Variants in CLEC20A observed in about 807,000 individuals in gnomAD.
The protein encoded by CLEC20A is C-type lectin domain containing 20A.
chr1:178,492,218 G>A (rs931325047), intron 3 of CLEC20A, among the ~76,000 whole-genome samples: 1 of 152,116 alleles, frequency 6.6e-6, no homozygotes, highest in African/African-American at 2.4e-5. Flanking sequence ...GGAATGTCGG[G>A]TGAGCTGTGA....
upstream of CLEC20A, among the ~76,000 whole-genome samples, chr1:178,497,629 C>T (rs534601947): frequency 3.3e-5 from 5 of 152,214 alleles, no homozygotes; most frequent in East Asian, 1.9e-4. Context: ...AGCATAAAAA[C>T]GAACAATGTC....
intron 5 of CLEC20A, 131 bp from the exon 6 acceptor site, chr1:178,483,413 C>T (rs1315721134): frequency 2.5e-6 from 1 of 394,936 alleles, no homozygotes; most frequent in Non-Finnish European, 4.5e-6. Context: ...GCTGCAGAAG[C>T]CAGCGATGTG....
chr1:178,485,640 C>T (rs907384548), intron 5 of CLEC20A, among the ~76,000 whole-genome samples: 55 of 152,322 alleles, frequency 3.6e-4, no homozygotes, highest in African/African-American at 1.3e-3. Flanking sequence ...TCCGTTAGTT[C>T]CTATGAGACC....
chr1:178,488,581 C>T (rs765617867), exon 5 of CLEC20A: 7 of 398,712 alleles, frequency 1.8e-5, no homozygotes, highest in African/African-American at 1.2e-4. Flanking sequence ...TGCTGATGCC[C>T]GGTGTCCAGT....
chr1:178,492,471 C>T (rs766930847), intron 3 of CLEC20A, 30 bp downstream of exon 3: 1 of 398,306 alleles, frequency 2.5e-6, no homozygotes. Flanking sequence ...GCCAAATTCC[C>T]AGAAAAGGGA....
rs1649181299 is a variant in CLEC20A at position 178,487,636 on chromosome 1, C to T, written c.928+865G>A. On this transcript the variant is annotated intron_variant, in intron 5 of 7. Transcript: ENST00000623247. Reference sequence around the variant, plus strand: ...ACCACGCCTGTGCCTATACCAAGCACCAGCCTCTTCCCAACTGGCTGTGAG... The same window carrying T: ...ACCACGCCTGTGCCTATACCAAGCATCAGCCTCTTCCCAACTGGCTGTGAG... 3.9e-5 allele frequency among the ~76,000 whole-genome samples: 6 copies of T among 152,258 alleles called. No homozygotes were observed. In the South Asian group the frequency reaches 1.2e-3, roughly 31 times the overall value.
intron 5 of CLEC20A, among the ~76,000 whole-genome samples, chr1:178,485,777 C>T (rs536857716): frequency 7.0e-4 from 106 of 152,310 alleles, no homozygotes; most frequent in African/African-American, 2.5e-3. Context: ...CTATCCTAGT[C>T]CCCAGAGAGA....
chr1:178,492,206 CG>C (rs1366308613), intron 3 of CLEC20A, among the ~76,000 whole-genome samples: 1 of 151,944 alleles, frequency 6.6e-6, no homozygotes, highest in Non-Finnish European at 1.5e-5. Context: ...GATCAGCCAC[CG>C]GGAATGTCGG....
upstream of CLEC20A, among the ~76,000 whole-genome samples, chr1:178,498,714 C>T (rs1649456650): frequency 6.6e-6 from 1 of 152,212 alleles, no homozygotes; most frequent in Admixed American, 6.5e-5. Flanking sequence ...ATCAAACATG[C>T]TGTTTAGGCC....
intron 1 of CLEC20A, 61 bp from the exon 2 acceptor site, chr1:178,494,871 A>G: frequency 2.5e-6 from 1 of 398,678 alleles, no homozygotes; most frequent in Non-Finnish European, 4.4e-6. Flanking sequence ...GTCCTCAAAG[A>G]GCTTTCAGCC....
intron 5 of CLEC20A, chr1:178,483,685 T>A (rs1649053718): frequency 6.5e-6 from 1 of 153,770 alleles, no homozygotes; most frequent in Admixed American, 6.5e-5. Flanking sequence ...GCCATCTCCA[T>A]CCCAAACCAA....
intron 5 of CLEC20A, among the ~76,000 whole-genome samples, chr1:178,487,300 C>G (rs1649173007): frequency 6.6e-6 from 1 of 152,320 alleles, no homozygotes; most frequent in African/African-American, 2.4e-5. Flanking sequence ...GATGAGAAGA[C>G]AGGCTGTTAC....
At chr1:178,494,473 C>T in exon 2 of CLEC20A, 1 of 399,826 alleles carries the variant, frequency 2.5e-6, no homozygotes, top group Non-Finnish European at 4.4e-6. Context: ...AGAGGAAGGG[C>T]TTCTGGGCTG....
At chr1:178,491,489 C>T (rs1649265484) in intron 3 of CLEC20A, among the ~76,000 whole-genome samples, 1 of 152,104 alleles carries the variant, frequency 6.6e-6, no homozygotes, top group Non-Finnish European at 1.5e-5. Context: ...TGTGCCAGCC[C>T]TGAGCTATGC....
At chr1:178,486,886 C>T in intron 5 of CLEC20A, 1 of 398,232 alleles carries the variant, frequency 2.5e-6, no homozygotes, top group Non-Finnish European at 4.4e-6. Flanking sequence ...GGCCGAAGGG[C>T]CGGGTGTTAC....
At chr1:178,489,181 G>A (rs908836320) in intron 4 of CLEC20A, among the ~76,000 whole-genome samples, 12 of 152,022 alleles carry the variant, frequency 7.9e-5, no homozygotes, top group African/African-American at 2.9e-4. Flanking sequence ...TGGCTAACAT[G>A]GCAAAACCCC....
intron 1 of CLEC20A, chr1:178,496,610 G>A (rs774575735): frequency 3.0e-5 from 11 of 368,784 alleles, no homozygotes; most frequent in East Asian, 1.2e-4. Context: ...TGACCTGCGC[G>A]GCCGTCTCTT....
At chr1:178,483,246 T>G (rs2101860960) in exon 6 of CLEC20A, 1 of 398,486 alleles carries the variant, frequency 2.5e-6, no homozygotes, top group East Asian at 3.6e-5. Context: ...AGCAGCTGTA[T>G]CTCTTCTATC....
chr1:178,480,921 T>C (rs1041953299), intron 7 of CLEC20A: 1 of 152,060 alleles, frequency 6.6e-6, no homozygotes, highest in African/African-American at 2.4e-5. Context: ...GAACTCAGAA[T>C]TCCTTTGTCT....
Sources: allele counts gnomAD v4.1 joint callset (sites outside exome capture counted in the v4.1 genomes callset), GRCh38; gene constraint gnomAD v4.1.1; transcripts MANE v1.5; gene names NCBI Gene and HGNC (gene_info 2026-07-23, HGNC 2026-07-21).